Variants in EML4 observed in about 807,000 individuals in gnomAD.
EML4 encodes the protein EMAP like 4.
In EML4, 72 loss-of-function variants were observed where a neutral mutation model predicts 129.0. That is an observed-to-expected ratio of 0.56 (90% CI 0.46 to 0.68). The LOEUF (loss-of-function observed/expected upper bound fraction) is 0.68, where lower values mean the gene tolerates loss of function less well. Among genes scored for constraint, EML4 ranks in the 30% least tolerant of loss-of-function variants. The probability of loss-of-function intolerance (pLI) is 0.00; values close to 1 mark genes in which losing one functional copy is unlikely to be tolerated. For synonymous variants in EML4, 532 were observed against 405.0 expected, an observed-to-expected ratio of 1.31 and a Z score of -3.77; for missense variants, 1,363 against 1,190.6, an observed-to-expected ratio of 1.14 and a Z score of -2.13.
intron 1 of EML4, among the ~76,000 whole-genome samples, chr2:42,170,954 A>T (rs1250244177): frequency 6.6e-6 from 1 of 152,232 alleles, no homozygotes; most frequent in Non-Finnish European, 1.5e-5. Context: ...TAAAACCTAT[A>T]ATTTTGGCCT....
intron 1 of EML4, among the ~76,000 whole-genome samples, chr2:42,200,676 G>T (rs944150301): frequency 2.0e-5 from 3 of 152,200 alleles, no homozygotes; most frequent in African/African-American, 7.2e-5. Context: ...AAGTTCAGCA[G>T]TTTGACTCTA....
intron 1 of EML4, among the ~76,000 whole-genome samples, chr2:42,188,067 A>G (rs538807650): frequency 7.9e-5 from 12 of 152,326 alleles, no homozygotes; most frequent in South Asian, 2.1e-4. Flanking sequence ...TTCCAGCACA[A>G]TTGAACTAAT....
intron 1 of EML4, among the ~76,000 whole-genome samples, chr2:42,190,944 A>T (rs1671544933): frequency 6.6e-6 from 1 of 152,258 alleles, no homozygotes. Flanking sequence ...TGTGCAGGCC[A>T]CACAAAAACA....
At chr2:42,307,877 AC>A in intron 17 of EML4, among the ~76,000 whole-genome samples, 1 of 152,234 alleles carries the variant, frequency 6.6e-6, no homozygotes, top group East Asian at 1.9e-4. Context: ...CTGGTCTGGA[AC>A]CCCTGGCCTC....
chr2:42,276,897 A>C (rs1666688214), intron 6 of EML4, among the ~76,000 whole-genome samples: 1 of 152,240 alleles, frequency 6.6e-6, no homozygotes, highest in African/African-American at 2.4e-5. Flanking sequence ...TAGTGAAAGC[A>C]TTGTCATCCT....
At chr2:42,305,401 T>TC (rs1030393672) in intron 17 of EML4, among the ~76,000 whole-genome samples, 7 of 152,220 alleles carry the variant, frequency 4.6e-5, no homozygotes, top group African/African-American at 1.7e-4. Flanking sequence ...ATTTGACTTT[T>TC]CCTTTGTGAA....
intron 6 of EML4, among the ~76,000 whole-genome samples, chr2:42,276,822 C>T (rs1458116782): frequency 6.6e-6 from 1 of 152,150 alleles, no homozygotes; most frequent in East Asian, 1.9e-4. Context: ...TAATGTATTG[C>T]CAGAAATTGT....
intron 2 of EML4, among the ~76,000 whole-genome samples, chr2:42,249,033 G>A (rs1180450989): frequency 1.3e-5 from 2 of 152,048 alleles, no homozygotes; most frequent in African/African-American, 2.4e-5. Context: ...ATAGCATATC[G>A]TTGAAAGCAA....
intron 7 of EML4, among the ~76,000 whole-genome samples, chr2:42,282,607 A>G (rs923768213): frequency 6.6e-6 from 1 of 151,330 alleles, no homozygotes; most frequent in Non-Finnish European, 1.5e-5. Context: ...TGCCCGCACT[A>G]CTCTCAAACT....
At position 42,225,152 on chromosome 2, in the gene EML4, A is replaced by T. The variant is rs559579108; in HGVS notation, c.26-20353A>T. On this transcript the variant is annotated intron_variant, in intron 1 of 22. Transcript: ENST00000318522. Reference sequence around the variant, plus strand: ...TATGCCACATTTTGTTTATCCATTCATGTGTTTATGGACATATGGGTGCTT... The same window carrying T: ...TATGCCACATTTTGTTTATCCATTCTTGTGTTTATGGACATATGGGTGCTT... Among the ~76,000 whole-genome samples the T allele has an allele frequency of 2.0e-5, 3 of 152,184 alleles. No homozygotes were observed. In the East Asian group the frequency reaches 5.8e-4, roughly 29 times the overall value.
intron 1 of EML4, among the ~76,000 whole-genome samples, chr2:42,227,687 C>T (rs549650184): frequency 2.0e-5 from 3 of 152,108 alleles, no homozygotes; most frequent in Admixed American, 6.6e-5. Flanking sequence ...AGAACAACCC[C>T]GCCCCCTTCC....
rs367618866 is a variant in EML4 at position 42,317,967 on chromosome 2, CAGAA to C, written c.2154+446_2154+449del. ...ATTTGTCTGCATTTAAGAGAGTTAACAGAAAGGATGTTTCCTGTAATTTATTGCC... is the reference window on the plus strand; with the variant it reads ...ATTTGTCTGCATTTAAGAGAGTTAACAGGATGTTTCCTGTAATTTATTGCC... On this transcript the variant is annotated intron_variant, in intron 19 of 22. Transcript: ENST00000318522. Among the ~76,000 whole-genome samples the C allele has an allele frequency of 2.8e-3, 424 of 152,298 alleles. 1 individual carries two copies. The highest frequency in any genetic ancestry group is 9.8e-3 in the African/African-American group (408 of 41,570).
intron 4 of EML4, 125 bp from the exon 5 acceptor site, chr2:42,263,053 A>C: frequency 1.3e-6 from 1 of 758,736 alleles, no homozygotes; most frequent in East Asian, 2.8e-5. Flanking sequence ...CTTTCAACTA[A>C]TCCTTCTCTT....
intron 19 of EML4, among the ~76,000 whole-genome samples, chr2:42,321,056 T>C (rs548549235): frequency 3.3e-5 from 5 of 152,166 alleles, no homozygotes; most frequent in South Asian, 2.1e-4. Flanking sequence ...AGTAAGGTAA[T>C]AGAATTCAGT....
chr2:42,302,638 A>G (rs946553022), intron 14 of EML4, among the ~76,000 whole-genome samples: 3 of 151,856 alleles, frequency 2.0e-5, no homozygotes, highest in East Asian at 1.9e-4. Context: ...GATTCAAGCA[A>G]TTCTCCTGCC....
At chr2:42,170,954 A>G (rs1250244177) in intron 1 of EML4, among the ~76,000 whole-genome samples, 2 of 152,232 alleles carry the variant, frequency 1.3e-5, no homozygotes, top group Admixed American at 1.3e-4. Context: ...TAAAACCTAT[A>G]ATTTTGGCCT....
chr2:42,198,292 G>T (rs933488859), intron 1 of EML4, among the ~76,000 whole-genome samples: 2 of 152,150 alleles, frequency 1.3e-5, no homozygotes, highest in Non-Finnish European at 2.9e-5. Context: ...GGATAGATCA[G>T]ATGTGAGAGA....
chr2:42,230,094 C>A (rs771316020), intron 1 of EML4, among the ~76,000 whole-genome samples: 6 of 152,088 alleles, frequency 3.9e-5, no homozygotes, highest in African/African-American at 9.7e-5. Context: ...TAAAGCAACC[C>A]CTAGTCCTAT....
At chr2:42,305,873 G>T (rs534276144) in intron 17 of EML4, among the ~76,000 whole-genome samples, 11 of 125,994 alleles carry the variant, frequency 8.7e-5, no homozygotes, top group South Asian at 6.8e-4. Context: ...ACTAAATTTA[G>T]TCATTTAGAG....
Sources: allele counts gnomAD v4.1 joint callset (sites outside exome capture counted in the v4.1 genomes callset), GRCh38; gene constraint gnomAD v4.1.1; transcripts MANE v1.5; gene names NCBI Gene and HGNC (gene_info 2026-07-23, HGNC 2026-07-21).